The following KIF26B variants were observed in gnomAD, a reference collection of about 807,000 sequenced individuals.
KIF26B encodes kinesin family member 26B.
KIF26B carries 63 observed loss-of-function variants against 151.2 expected under a neutral mutation model. That is an observed-to-expected ratio of 0.42 (90% CI 0.34 to 0.51). The LOEUF (loss-of-function observed/expected upper bound fraction) is 0.51, where lower values mean the gene tolerates loss of function less well. Among genes scored for constraint, KIF26B ranks in the 20% least tolerant of loss-of-function variants. KIF26B has a pLI of 0.07. For missense variants in KIF26B, 2,813 were observed against 2,913.6 expected (o/e 0.97, Z 0.79); for synonymous variants, 1,357 against 1,262.1 (o/e 1.08, Z -1.59).
At chr1:245,482,239 G>A (rs573550734) in intron 4 of KIF26B, among the ~76,000 whole-genome samples, 22 of 150,844 alleles carry the variant, frequency 1.5e-4, no homozygotes, top group Admixed American at 1.3e-3. Flanking sequence ...CTGCAGGTGC[G>A]CACCACCATG....
In KIF26B at chr1:245,369,307, A is replaced by G. The variant is rs74852005; in HGVS notation, c.999+1940A>G. On this transcript the variant is annotated intron_variant, in intron 3 of 14. Transcript: ENST00000407071. ...GGAGAAAAAGGAACAAGTCGAGTGAACACATAGCATAGTTTTGTTACGCCG... is the reference window on the plus strand; with the variant it reads ...GGAGAAAAAGGAACAAGTCGAGTGAGCACATAGCATAGTTTTGTTACGCCG... Among the ~76,000 whole-genome samples, 10 of 152,334 alleles carry G rather than the reference A, an allele frequency of 6.6e-5. No homozygotes were observed. The East Asian group carries it at 1.7e-3, about 26-fold the overall frequency.
intron 2 of KIF26B, among the ~76,000 whole-genome samples, chr1:245,349,156 T>G (rs1429179652): frequency 6.6e-6 from 1 of 152,220 alleles, no homozygotes; most frequent in Non-Finnish European, 1.5e-5. Flanking sequence ...TTCTGTTGAA[T>G]GAATCAATGA....
chr1:245,659,801 G>A (rs1393014947), intron 10 of KIF26B, among the ~76,000 whole-genome samples: 2 of 151,928 alleles, frequency 1.3e-5, no homozygotes, highest in Non-Finnish European at 2.9e-5. Flanking sequence ...CACTTTGAGA[G>A]CCCAAGGAGG....
At chr1:245,505,661 A>C (rs910825837) in intron 4 of KIF26B, among the ~76,000 whole-genome samples, 23 of 152,366 alleles carry the variant, frequency 1.5e-4, no homozygotes, top group African/African-American at 5.0e-4. Flanking sequence ...CTGGGATTAT[A>C]GGTATGAGCC....
intron 2 of KIF26B, among the ~76,000 whole-genome samples, chr1:245,238,822 A>AC (rs1670160607): frequency 6.6e-6 from 1 of 152,178 alleles, no homozygotes; most frequent in African/African-American, 2.4e-5. Flanking sequence ...AGTTGGTGCC[A>AC]CTGCACTCCA....
At chr1:245,196,168 A>G (rs1669191139) in intron 2 of KIF26B, among the ~76,000 whole-genome samples, 1 of 152,208 alleles carries the variant, frequency 6.6e-6, no homozygotes. Flanking sequence ...CCCGTTTAAC[A>G]AGACCACTAT....
intron 2 of KIF26B, among the ~76,000 whole-genome samples, chr1:245,326,849 G>A (rs899649642): frequency 9.2e-5 from 14 of 152,194 alleles, no homozygotes; most frequent in African/African-American, 3.4e-4. Context: ...AAGTCATCTG[G>A]CCAGTCCAGT....
intron 2 of KIF26B, among the ~76,000 whole-genome samples, chr1:245,198,551 G>A (rs1341563370): frequency 6.6e-6 from 1 of 152,004 alleles, no homozygotes; most frequent in Non-Finnish European, 1.5e-5. Context: ...GCAAAACCCC[G>A]TCTCTACTAA....
At chr1:245,637,800 G>C (rs888875685) in intron 9 of KIF26B, among the ~76,000 whole-genome samples, 17 of 151,940 alleles carry the variant, frequency 1.1e-4, no homozygotes, top group African/African-American at 4.1e-4. Flanking sequence ...TGTCAAAAAT[G>C]AGTTGGCTGT....
chr1:245,512,876 G>T lies in KIF26B; in HGVS notation c.1167-27891G>T, dbSNP rs150555311. On this transcript the variant is annotated intron_variant, in intron 4 of 14. Transcript: ENST00000407071. The surrounding 1 kb of genome is among the most constrained non-coding windows in gnomAD (Gnocchi z 4.3). ...GAAAACCTAGAGCAAAAATCATGCC[G>T]GGGAAAGGAAAATCATTAAAAAACA... Among the ~76,000 whole-genome samples, 2 of 152,056 alleles carry T rather than the reference G, an allele frequency of 1.3e-5. No homozygotes were observed. Among genetic ancestry groups the T allele is most frequent in the Non-Finnish European group, 2.9e-5 (2 of 68,012 alleles).
chr1:245,201,516 G>T (rs1022333603), intron 2 of KIF26B, among the ~76,000 whole-genome samples: 1 of 152,278 alleles, frequency 6.6e-6, no homozygotes, highest in African/African-American at 2.4e-5. Flanking sequence ...AATTCAGAAA[G>T]GTTGTTAGCC....
At chr1:245,428,808 G>A (rs935340682) in intron 4 of KIF26B, among the ~76,000 whole-genome samples, 4 of 152,102 alleles carry the variant, frequency 2.6e-5, no homozygotes, top group Admixed American at 2.0e-4. Context: ...TCATTTCCAC[G>A]GCTTTGCCTA....
intron 5 of KIF26B, among the ~76,000 whole-genome samples, chr1:245,576,005 C>T (rs1049506493): frequency 6.6e-6 from 1 of 152,166 alleles, no homozygotes; most frequent in African/African-American, 2.4e-5. Context: ...TGCACCTCCA[C>T]TCCTGCAAAG....
At position 245,174,513 on chromosome 1, in the gene KIF26B, T is replaced by C. The variant is rs1057119824; in HGVS notation, c.465+17830T>C. Among the ~76,000 whole-genome samples the C allele has an allele frequency of 3.7e-4, 57 of 152,370 alleles. 1 individual carries two copies. The highest frequency in any genetic ancestry group is 6.8e-3 in the Middle Eastern group (2 of 294). On this transcript the variant is annotated intron_variant, in intron 2 of 14. Coordinates refer to ENST00000407071, the MANE Select transcript of KIF26B (RefSeq NM_018012.4). The stretch of plus-strand genomic sequence containing the variant: ...CTATGTATGTACTTATTTATTTATT[T>C]ATTTATTTACTGAGACAGAACCTTG...
At chr1:245,640,143 C>CTCTCTATATATATATATA in intron 9 of KIF26B, among the ~76,000 whole-genome samples, 4 of 31,934 alleles carry the variant, frequency 1.3e-4, no homozygotes, top group African/African-American at 4.2e-4. Flanking sequence ...CTCTCTCTCT[C>CTCTCTATATATATATATA]TATATATATA....
chr1:245,698,819 C>A lies in KIF26B; in HGVS notation c.6028-68C>A. On this transcript the variant is annotated intron_variant, in intron 13 of 14. Transcript: ENST00000407071. This position sits in a 1 kb window ranked among gnomAD's most constrained non-coding sequence, Gnocchi z 4.0. ...GCCTGTTTTCCATCAACGATACTCA[C>A]AGGTGCTCCTGTGGTGTGGGCTGGG... is the stretch of plus-strand genomic sequence containing the variant. 6.5e-7 allele frequency: 1 copy of A among 1,548,638 alleles called. No individual in the cohort carries two copies.
At chr1:245,571,135 G>A (rs181356967) in intron 5 of KIF26B, among the ~76,000 whole-genome samples, 16 of 152,276 alleles carry the variant, frequency 1.1e-4, no homozygotes, top group Admixed American at 8.5e-4. Context: ...ACCTGGATTC[G>A]TTCACACATT....
In KIF26B at chr1:245,251,012, C is replaced by G. The variant is rs554780162; in HGVS notation, c.465+94329C>G. Among the ~76,000 whole-genome samples, 6 of 152,218 alleles carry G rather than the reference C, an allele frequency of 3.9e-5. No individual in the cohort carries two copies. In the East Asian group the frequency reaches 1.2e-3, roughly 29 times the overall value. The stretch of plus-strand genomic sequence containing the variant: ...TCCAGAGGAAACCACGTGCAAGCTT[C>G]CAAGAGTCTTCTCCAGTCACATAGG... On this transcript the variant is annotated intron_variant, in intron 2 of 14. Transcript: ENST00000407071.
At chr1:245,699,494 G>GAAAA (rs774959523) in intron 14 of KIF26B, among the ~76,000 whole-genome samples, 2 of 128,668 alleles carry the variant, frequency 1.6e-5, no homozygotes, top group African/African-American at 5.6e-5. Flanking sequence ...TTTTTGAGTG[G>GAAAA]AAAAAAAAAA....
Sources: allele counts gnomAD v4.1 joint callset (sites outside exome capture counted in the v4.1 genomes callset), GRCh38; gene constraint gnomAD v4.1.1; non-coding constraint Gnocchi (gnomAD v3.1); transcripts MANE v1.5; gene names NCBI Gene and HGNC (gene_info 2026-07-23, HGNC 2026-07-21).